Variants in CASK observed in about 807,000 individuals in gnomAD.
CASK encodes the protein peripheral plasma membrane protein CASK.
A neutral mutation model predicts 82.9 loss-of-function variants in CASK; 4 were observed. The observed-to-expected ratio is 0.05, with a 90% confidence interval of 0.02 to 0.11. The LOEUF (loss-of-function observed/expected upper bound fraction) is 0.11. Among genes scored for constraint, CASK ranks in the 10% least tolerant of loss-of-function variants. The pLI is 1.00. For missense variants in CASK, 358 were observed against 720.9 expected (o/e 0.50, Z 5.76); for synonymous variants, 259 against 253.5 (o/e 1.02, Z -0.20).
At chrX:41,901,421 A>G (rs187198292) in intron 1 of CASK, among the ~76,000 whole-genome samples, 37 of 109,394 alleles carry the variant, frequency 3.4e-4, no homozygotes, top group African/African-American at 1.1e-3. Flanking sequence ...TGAGAGGTCA[A>G]GGCTGCAGTG....
chrX:41,624,279 G>A, intron 10 of CASK: 1 of 354,470 alleles, frequency 2.8e-6, no homozygotes, highest in South Asian at 2.5e-5. Flanking sequence ...ACAATAAGAA[G>A]CACTGGGGAC....
At chrX:41,717,890 A>G (rs759101326) in intron 5 of CASK, among the ~76,000 whole-genome samples, 11 of 112,244 alleles carry the variant, frequency 9.8e-5, no homozygotes, top group African/African-American at 3.6e-4. Flanking sequence ...AAATCCTCAA[A>G]AACTCCAAAG....
In CASK at chrX:41,672,871, C is replaced by A. The variant is rs988964652; in HGVS notation, c.430-1341G>T. On this transcript the variant is annotated intron_variant, in intron 5 of 26. Coordinates refer to ENST00000378163, the MANE Select transcript of CASK (RefSeq NM_001367721.1). ...GTAGCAAGAAGAGTCTATGGGAGAG[C>A]AGGCAAACCTCTACCGAAATCAACT... is the stretch of plus-strand genomic sequence containing the variant. 2.7e-5 allele frequency among the ~76,000 whole-genome samples: 3 copies of A among 112,306 alleles called. No individual in the cohort carries two copies. In the Admixed American group the frequency reaches 2.8e-4, roughly 11 times the overall value.
At chrX:41,847,543 C>G (rs1165994826) in intron 2 of CASK, among the ~76,000 whole-genome samples, 1 of 111,923 alleles carries the variant, frequency 8.9e-6, no homozygotes, top group Non-Finnish European at 1.9e-5. Flanking sequence ...TGCTCAGGAA[C>G]AGTTTCTATG....
intron 16 of CASK, among the ~76,000 whole-genome samples, chrX:41,565,069 G>C (rs972130814): frequency 1.8e-5 from 2 of 111,777 alleles, no homozygotes; most frequent in Non-Finnish European, 3.8e-5. Flanking sequence ...AGAATCTCTG[G>C]GACACATTTA....
chrX:41,884,766 T>G (rs1265733215), intron 1 of CASK, among the ~76,000 whole-genome samples: 1 of 111,186 alleles, frequency 9.0e-6, no homozygotes, highest in Admixed American at 9.5e-5. Flanking sequence ...GGAACGCAAA[T>G]GGGATGACTG....
chrX:41,707,617 A>C (rs769579491), intron 5 of CASK, among the ~76,000 whole-genome samples: 5 of 112,375 alleles, frequency 4.4e-5, no homozygotes, highest in Non-Finnish European at 9.4e-5. Context: ...AGATGACAAT[A>C]AATATAGTAA....
At chrX:41,853,398 A>C (rs995971788) in intron 1 of CASK, among the ~76,000 whole-genome samples, 171 bp from the exon 2 acceptor site, 4 of 111,845 alleles carry the variant, frequency 3.6e-5, no homozygotes, top group African/African-American at 1.3e-4. Context: ...AACTTCCAAC[A>C]TATTTTTCTA....
intron 6 of CASK, among the ~76,000 whole-genome samples, chrX:41,667,868 C>A (rs1387926225): frequency 9.0e-6 from 1 of 111,653 alleles, no homozygotes; most frequent in African/African-American, 3.3e-5. Flanking sequence ...CAGAAAGCAC[C>A]CTCAGGAACT....
At chrX:41,751,754 A>G (rs1398358015) in intron 3 of CASK, among the ~76,000 whole-genome samples, 1 of 111,078 alleles carries the variant, frequency 9.0e-6, no homozygotes, top group Non-Finnish European at 1.9e-5. Flanking sequence ...AAAAACCTCA[A>G]TGCTGGTTGG....
At chrX:41,776,189 T>C (rs1412988287) in intron 3 of CASK, among the ~76,000 whole-genome samples, 3 of 112,334 alleles carry the variant, frequency 2.7e-5, no homozygotes, top group Non-Finnish European at 5.6e-5. Context: ...CACAGGCTTG[T>C]TTATAGCAGC....
chrX:41,731,190 TGGG>T (rs905402174), intron 5 of CASK, among the ~76,000 whole-genome samples: 1 of 112,250 alleles, frequency 8.9e-6, no homozygotes, highest in Non-Finnish European at 1.9e-5. Context: ...GGGGCTGAAG[TGGG>T]GGGATCACTT....
chrX:41,653,090 C>G (rs1372730890), intron 8 of CASK, among the ~76,000 whole-genome samples: 1 of 112,474 alleles, frequency 8.9e-6, no homozygotes. Context: ...GGGAGAAATC[C>G]CCACACATTT....
At chrX:41,612,111 C>T (rs1199436500) in intron 11 of CASK, among the ~76,000 whole-genome samples, 10 of 111,938 alleles carry the variant, frequency 8.9e-5, no homozygotes, top group African/African-American at 2.6e-4. Flanking sequence ...AGCCTCTGCC[C>T]GGCCGCCACC....
At chrX:41,781,695 G>T (rs2069480242) in intron 3 of CASK, among the ~76,000 whole-genome samples, 1 of 111,502 alleles carries the variant, frequency 9.0e-6, no homozygotes, top group Non-Finnish European at 1.9e-5. Context: ...GCCAGTAGGT[G>T]GAACTATACA....
intron 5 of CASK, among the ~76,000 whole-genome samples, chrX:41,715,667 C>T (rs928310806): frequency 6.4e-5 from 7 of 109,669 alleles, no homozygotes; most frequent in African/African-American, 2.3e-4. Context: ...TGATTGATAT[C>T]ACAAGCAGAC....
At chrX:41,540,381 G>A (rs3013141) in intron 22 of CASK, among the ~76,000 whole-genome samples, 5,006 of 112,229 alleles carry the variant, frequency 0.045, 114 homozygotes, top group Non-Finnish European at 0.066. Context: ...CTTTCAACCT[G>A]GATAGGCAAT....
chrX:41,904,455 G>T (rs1476777582), intron 1 of CASK, among the ~76,000 whole-genome samples: 1 of 112,104 alleles, frequency 8.9e-6, no homozygotes, highest in African/African-American at 3.2e-5. Flanking sequence ...ATTTAAGAAT[G>T]TGACAAAAGA....
intron 8 of CASK, among the ~76,000 whole-genome samples, chrX:41,650,345 C>T (rs1274347236): frequency 9.0e-6 from 1 of 111,222 alleles, no homozygotes; most frequent in African/African-American, 3.3e-5. Context: ...TTCTTCCTAG[C>T]ATCGATGGTC....
Sources: gnomAD v4.1 joint callset for allele counts (sites outside exome capture counted in the v4.1 genomes callset) on GRCh38, gnomAD v4.1.1 for gene constraint, MANE v1.5 for transcripts, NCBI Gene and HGNC (gene_info 2026-07-23, HGNC 2026-07-21) for gene names.